Variants in PDSS2 observed in about 807,000 individuals in gnomAD.
The protein encoded by PDSS2 is decaprenyl diphosphate synthase subunit 2.
PDSS2 carries 31 observed loss-of-function variants against 44.5 expected under a neutral mutation model. That is an observed-to-expected ratio of 0.70 (90% CI 0.52 to 0.94). PDSS2 has a LOEUF of 0.94. Among genes scored for constraint, PDSS2 ranks in the 40% least tolerant of loss-of-function variants. PDSS2 has a pLI of 0.00. For missense variants in PDSS2, 452 were observed against 482.2 expected (o/e 0.94, Z 0.59); for synonymous variants, 157 against 180.3 (o/e 0.87, Z 1.03).
At position 107,152,570 on chromosome 6, in the gene PDSS2, T is replaced by G. The variant is rs1157612562; in HGVS notation, c.*2049A>C. On this transcript the variant is annotated 3_prime_UTR_variant, in exon 8 of 8. Transcript: ENST00000369037. ...AACAAACCTGGAAAGAATTTCATAATTATCTTGTTTAATCTCTTTTTTTTT... is the reference window on the plus strand; with the variant it reads ...AACAAACCTGGAAAGAATTTCATAAGTATCTTGTTTAATCTCTTTTTTTTT... 1 of 152,148 alleles carries G rather than the reference T, an allele frequency of 6.6e-6. No homozygotes were observed. Among genetic ancestry groups the G allele is most frequent in the African/African-American group, 2.4e-5 (1 of 41,420 alleles). 9.4% of individuals were successfully genotyped at this position (152,148 alleles called of 1,614,324 possible).
At chr6:107,408,853 C>T (rs1437783275) in intron 1 of PDSS2, among the ~76,000 whole-genome samples, 4 of 152,180 alleles carry the variant, frequency 2.6e-5, no homozygotes, top group Non-Finnish European at 2.9e-5. Flanking sequence ...GTGCTTTTTG[C>T]TCCATGAACA....
chr6:107,207,141 C>T (rs1047053177), intron 6 of PDSS2, among the ~76,000 whole-genome samples: 6 of 151,184 alleles, frequency 4.0e-5, no homozygotes, highest in African/African-American at 1.2e-4. Flanking sequence ...TACAGGCGCC[C>T]GCCACTGTGC....
At chr6:107,252,070 G>GA (rs1774839065) in intron 3 of PDSS2, among the ~76,000 whole-genome samples, 1 of 152,194 alleles carries the variant, frequency 6.6e-6, no homozygotes, top group South Asian at 2.1e-4. Context: ...CCTCAGTGGA[G>GA]AAACGACTTC....
intron 1 of PDSS2, among the ~76,000 whole-genome samples, chr6:107,363,037 C>A (rs1778829637): frequency 6.6e-6 from 1 of 151,860 alleles, no homozygotes; most frequent in African/African-American, 2.4e-5. Flanking sequence ...AACTACCAGA[C>A]AATATCAAGC....
chr6:107,391,240 T>C (rs375842942), intron 1 of PDSS2, among the ~76,000 whole-genome samples: 1 of 152,056 alleles, frequency 6.6e-6, no homozygotes, highest in African/African-American at 2.4e-5. Context: ...CCCACAACAC[T>C]GTATCTACAG....
chr6:107,314,350 C>T lies in PDSS2; in HGVS notation c.431+19848G>A, dbSNP rs535477098. ...TGGCAGTAAGGAAGCAGATAATCTT[C>T]TATAGAGACATTTTATATACATATA... is the stretch of plus-strand genomic sequence containing the variant. On this transcript the variant is annotated intron_variant, in intron 2 of 7. Transcript: ENST00000369037. Among the ~76,000 whole-genome samples, 18 of 152,154 alleles carry T rather than the reference C, an allele frequency of 1.2e-4. 1 individual carries two copies. The East Asian group carries it at 3.1e-3, about 26-fold the overall frequency.
intron 2 of PDSS2, among the ~76,000 whole-genome samples, chr6:107,289,314 A>G (rs1276715037): frequency 1.3e-5 from 2 of 150,472 alleles, no homozygotes; most frequent in Non-Finnish European, 1.5e-5. Context: ...CAGAGGTTGT[A>G]GTGAGCCGAT....
At chr6:107,448,245 G>A (rs1781752243) in intron 1 of PDSS2, among the ~76,000 whole-genome samples, 2 of 152,158 alleles carry the variant, frequency 1.3e-5, no homozygotes, top group African/African-American at 4.8e-5. Context: ...ATGCAAATTT[G>A]TGCAGCCAGC....
intron 2 of PDSS2, among the ~76,000 whole-genome samples, chr6:107,307,989 T>C (rs986552519): frequency 6.6e-6 from 1 of 152,214 alleles, no homozygotes; most frequent in Non-Finnish European, 1.5e-5. Context: ...AAGCCACCAA[T>C]TTCCCCCTTT....
chr6:107,271,125 C>T (rs1775584696), intron 3 of PDSS2, among the ~76,000 whole-genome samples: 2 of 152,208 alleles, frequency 1.3e-5, no homozygotes, highest in African/African-American at 2.4e-5. Flanking sequence ...GACACTTCTT[C>T]AGCAGACTTT....
intron 2 of PDSS2, among the ~76,000 whole-genome samples, chr6:107,331,388 G>C: frequency 6.6e-6 from 1 of 151,930 alleles, no homozygotes; most frequent in South Asian, 2.1e-4. Context: ...TGTAACTGTG[G>C]ATTCTATACA....
At chr6:107,256,072 C>A (rs1199735629) in intron 3 of PDSS2, among the ~76,000 whole-genome samples, 1 of 152,044 alleles carries the variant, frequency 6.6e-6, no homozygotes, top group Non-Finnish European at 1.5e-5. Context: ...CTCACTGTAA[C>A]CTCCCCGTCC....
intron 2 of PDSS2, among the ~76,000 whole-genome samples, chr6:107,319,756 G>A (rs1777324913): frequency 6.6e-6 from 1 of 152,116 alleles, no homozygotes; most frequent in South Asian, 2.1e-4. Flanking sequence ...AGACGTGTCA[G>A]TAACAAAGGT....
At chr6:107,291,117 T>C (rs1031348743) in intron 2 of PDSS2, among the ~76,000 whole-genome samples, 3 of 152,194 alleles carry the variant, frequency 2.0e-5, no homozygotes, top group African/African-American at 7.2e-5. Context: ...TAACTAATTA[T>C]AAGTGCCAAA....
At chr6:107,210,230 C>G (rs1244868911) in intron 6 of PDSS2, among the ~76,000 whole-genome samples, 1 of 152,144 alleles carries the variant, frequency 6.6e-6, no homozygotes, top group African/African-American at 2.4e-5. Flanking sequence ...ATTCTAAGAA[C>G]TCAGATAATA....
chr6:107,425,853 C>T (rs1780982996), intron 1 of PDSS2, among the ~76,000 whole-genome samples: 1 of 151,564 alleles, frequency 6.6e-6, no homozygotes, highest in Non-Finnish European at 1.5e-5. Flanking sequence ...CCCAGCTACT[C>T]GGGAGGCTGA....
chr6:107,318,055 T>C (rs1310447551), intron 2 of PDSS2, among the ~76,000 whole-genome samples: 1 of 152,178 alleles, frequency 6.6e-6, no homozygotes, highest in African/African-American at 2.4e-5. Flanking sequence ...GAAGCTCAGA[T>C]TGGCAGTTAC....
rs71991148 is a variant in PDSS2, at chr6:107,299,146, C to CAAAAAAA, written c.432-24926_432-24920dup. 1.5e-4 allele frequency among the ~76,000 whole-genome samples: 8 copies of CAAAAAAA among 53,464 alleles called. 1 individual carries two copies. Among genetic ancestry groups the CAAAAAAA allele is most frequent in the Non-Finnish European group, 2.5e-4 (8 of 32,148 alleles). 35.1% of individuals were successfully genotyped at this position (53,464 alleles called of 152,430 possible). ...TGGGTGACAAAGTGAGACCCTGTCT[C>CAAAAAAA]AAAAAAAAAAAAAAAAAAAAAAAGA... On this transcript the variant is annotated intron_variant, in intron 2 of 7. Transcript: ENST00000369037.
chr6:107,215,480 G>A (rs1285436948), intron 4 of PDSS2, among the ~76,000 whole-genome samples: 3 of 152,188 alleles, frequency 2.0e-5, no homozygotes, highest in African/African-American at 7.2e-5. Flanking sequence ...AATATTTTAT[G>A]AGGAAACATG....
Sources: gnomAD v4.1 joint callset for allele counts (sites outside exome capture counted in the v4.1 genomes callset) on GRCh38, gnomAD v4.1.1 for gene constraint, MANE v1.5 for transcripts, NCBI Gene and HGNC (gene_info 2026-07-23, HGNC 2026-07-21) for gene names.